CTTNBP2: variants seen among roughly 807,000 people sequenced by gnomAD.
CTTNBP2 encodes the protein cortactin binding protein 2.
In CTTNBP2, 108 loss-of-function variants were observed where a neutral mutation model predicts 156.9. The ratio of observed to expected loss-of-function variants is 0.69; its 90% CI spans 0.59 to 0.81. The LOEUF is 0.81. CTTNBP2 is among the 30% of genes least tolerant of loss of function. The pLI is 0.00. For synonymous variants in CTTNBP2, 767 were observed against 751.8 expected (o/e 1.02, Z -0.33); for missense variants, 1,924 against 2,035.4 (o/e 0.95, Z 1.05).
At chr7:117,746,174 G>T in intron 12 of CTTNBP2, 75 bp from the exon 13 acceptor site, 2 of 985,860 alleles carry the variant, frequency 2.0e-6, no homozygotes, top group Non-Finnish European at 3.2e-6. Context: ...CACAGGTGTG[G>T]AATTCTTTTT....
intron 2 of CTTNBP2, among the ~76,000 whole-genome samples, chr7:117,839,987 T>C (rs1175374221): frequency 6.6e-6 from 1 of 152,188 alleles, no homozygotes; most frequent in Non-Finnish European, 1.5e-5. Context: ...CTACTCCAAA[T>C]TTATGTGGGA....
rs1024727191 is a variant in CTTNBP2, at chr7:117,742,143, C to T, written c.3535+3688G>A. ...CATTTGAGGTGTCCTTAAAGTATTT[C>T]GACAGAGGCTTTTTCTATAGTTTCC... is the stretch of plus-strand genomic sequence containing the variant. On this transcript the variant is annotated intron_variant, in intron 14 of 22. Transcript: ENST00000160373. Among the ~76,000 whole-genome samples, 7 of 152,100 alleles carry T rather than the reference C, an allele frequency of 4.6e-5. No homozygotes were observed. In the South Asian group the frequency reaches 8.3e-4, roughly 18 times the overall value.
At chr7:117,744,362 C>G (rs1796198320) in intron 14 of CTTNBP2, among the ~76,000 whole-genome samples, 1 of 152,096 alleles carries the variant, frequency 6.6e-6, no homozygotes, top group Admixed American at 6.6e-5. Context: ...GGTAACCATC[C>G]TTCTACTCTC....
At chr7:117,807,389 T>C (rs370411733) in intron 3 of CTTNBP2, among the ~76,000 whole-genome samples, 73 of 152,262 alleles carry the variant, frequency 4.8e-4, no homozygotes, top group South Asian at 4.6e-3. Context: ...GTAGAGAACA[T>C]GGAATAAAAA....
chr7:117,777,537 G>C lies in CTTNBP2; in HGVS notation c.2752C>G (p.His918Asp), dbSNP rs371182986. 3.4e-5 allele frequency: 55 copies of C among 1,613,308 alleles called. No homozygotes were observed. The highest frequency in any genetic ancestry group is 3.1e-5 in the Non-Finnish European group (37 of 1,179,842). ...HANREGWTAA[H>D]IAASKGFKNC... ...TTAAAACCTTTGGAAGCAGCAATGT[G>C]GGCAGCAGTCCAGCCTTCTCTGTTG... The change falls in exon 8 of 23, where the codon CAC becomes GAC. Residue 918 changes from histidine (H) to aspartate (D), a missense_variant. By Grantham distance (81) the His-to-Asp change is moderately conservative. Transcript: ENST00000160373.
At chr7:117,823,435 T>G (rs2117038787) in intron 2 of CTTNBP2, among the ~76,000 whole-genome samples, 1 of 152,320 alleles carries the variant, frequency 6.6e-6, no homozygotes, top group South Asian at 2.1e-4. Flanking sequence ...TCAAATAAAT[T>G]TGCATAAATT....
intron 8 of CTTNBP2, among the ~76,000 whole-genome samples, chr7:117,773,748 G>A (rs1362589690): frequency 6.7e-6 from 1 of 149,706 alleles, no homozygotes; most frequent in Non-Finnish European, 1.5e-5. Context: ...AGAAAGCCTG[G>A]TCAGCAAAGT....
chr7:117,774,437 C>T (rs756035556), intron 8 of CTTNBP2, among the ~76,000 whole-genome samples: 13 of 152,116 alleles, frequency 8.5e-5, no homozygotes, highest in East Asian at 1.9e-4. Context: ...GGAACCAGAC[C>T]GCACAGGAGG....
Position 117,810,866 on chromosome 7 carries a change from T to A in CTTNBP2, c.313A>T (p.Thr105Ser). 1 of 1,614,144 alleles carries A rather than the reference T, an allele frequency of 6.2e-7. No individual in the cohort carries two copies. Residue 105 changes from threonine to serine, a missense_variant, in exon 3 of 23, where the codon ACC (threonine) becomes TCC (serine). Thr to Ser is a moderately conservative substitution (Grantham distance 58). Coordinates refer to ENST00000160373, the MANE Select transcript of CTTNBP2 (RefSeq NM_033427.3). ...AGDKEKKPVC[T>S]NPLSILEAVM... ...GCTTCAAGGATGGAGAGGGGGTTGG[T>A]ACAAACTGGCTTCTTCTCTTTGTCA... is the stretch of plus-strand genomic sequence containing the variant.
chr7:117,777,445 T>C (rs1798164236), intron 8 of CTTNBP2, 66 bp downstream of exon 8: 2 of 1,525,862 alleles, frequency 1.3e-6, no homozygotes, highest in South Asian at 1.2e-5. Context: ...ACTTAATCTA[T>C]AGCAGACAAC....
intron 19 of CTTNBP2, among the ~76,000 whole-genome samples, chr7:117,722,434 C>A (rs1452896578): frequency 6.6e-6 from 1 of 152,054 alleles, no homozygotes; most frequent in Admixed American, 6.5e-5. Flanking sequence ...TAGAAATTTC[C>A]TTGAAGTCAG....
intron 1 of CTTNBP2, 65 bp from the exon 2 acceptor site, chr7:117,861,381 G>C: frequency 8.9e-7 from 1 of 1,121,388 alleles, no homozygotes. Context: ...CACATCCTAA[G>C]GGTATGCAAT....
chr7:117,855,786 G>C (rs1027649854), intron 2 of CTTNBP2, among the ~76,000 whole-genome samples: 1 of 152,102 alleles, frequency 6.6e-6, no homozygotes, highest in African/African-American at 2.4e-5. Context: ...ACTGAGTCAC[G>C]GTCTGAGAAA....
intron 12 of CTTNBP2, among the ~76,000 whole-genome samples, chr7:117,752,914 T>C (rs1335871657): frequency 1.3e-5 from 2 of 152,186 alleles, no homozygotes; most frequent in Non-Finnish European, 2.9e-5. Context: ...GGTTGGTGTA[T>C]AATAAATGCT....
chr7:117,812,047 C>T (rs1451630243), intron 2 of CTTNBP2, among the ~76,000 whole-genome samples: 1 of 151,934 alleles, frequency 6.6e-6, no homozygotes, highest in Non-Finnish European at 1.5e-5. Flanking sequence ...CTCTTTCTCA[C>T]TGAAGGGCAT....
intron 3 of CTTNBP2, among the ~76,000 whole-genome samples, chr7:117,804,565 A>G (rs905032417): frequency 2.6e-5 from 4 of 152,248 alleles, no homozygotes; most frequent in African/African-American, 9.6e-5. Context: ...TGTCGTACAT[A>G]TACACCATGG....
At chr7:117,807,445 C>T (rs1800013825) in intron 3 of CTTNBP2, among the ~76,000 whole-genome samples, 1 of 152,174 alleles carries the variant, frequency 6.6e-6, no homozygotes, top group South Asian at 2.1e-4. Flanking sequence ...CATATGAAAT[C>T]AAGGAAACAA....
chr7:117,868,604 A>T (rs1213662266), intron 1 of CTTNBP2, among the ~76,000 whole-genome samples: 2 of 152,204 alleles, frequency 1.3e-5, no homozygotes, highest in Non-Finnish European at 2.9e-5. Context: ...AAATTTTAAA[A>T]ATCTTTCAAT....
intron 2 of CTTNBP2, among the ~76,000 whole-genome samples, chr7:117,838,708 A>ATATC (rs1401915955): frequency 2.0e-5 from 3 of 152,260 alleles, no homozygotes; most frequent in Middle Eastern, 3.4e-3. Flanking sequence ...GGCAAGTCAT[A>ATATC]TATCACCTTT....
Sources: gnomAD v4.1 joint callset for allele counts (sites outside exome capture counted in the v4.1 genomes callset) on GRCh38, gnomAD v4.1.1 for gene constraint, MANE v1.5 for transcripts, NCBI Gene and HGNC (gene_info 2026-07-23, HGNC 2026-07-21) for gene names.